The following TTC21B variants were observed in gnomAD, a reference collection of about 807,000 sequenced individuals.
The protein encoded by TTC21B is tetratricopeptide repeat protein 21B.
TTC21B carries 127 observed loss-of-function variants against 175.1 expected under a neutral mutation model. The ratio of observed to expected loss-of-function variants is 0.73; its 90% CI spans 0.63 to 0.84. The LOEUF (loss-of-function observed/expected upper bound fraction) is 0.84, where lower values mean the gene tolerates loss of function less well. Among genes scored for constraint, TTC21B ranks in the 40% least tolerant of loss-of-function variants. The pLI, the probability that TTC21B is intolerant of heterozygous loss-of-function variation, is 0.00. For missense variants in TTC21B, 1,561 were observed against 1,558.3 expected, an observed-to-expected ratio of 1.00 and a Z score of -0.03; for synonymous variants, 524 against 524.5, an observed-to-expected ratio of 1.00 and a Z score of 0.01.
chr2:165,931,826 T>C lies in TTC21B; in HGVS notation c.826A>G (p.Thr276Ala), dbSNP rs7592429. 0.99 allele frequency: 1,599,742 copies of C among 1,613,484 alleles called. 793,953 individuals carry two copies. Among genetic ancestry groups the C allele is most frequent in the East Asian group, 1 (44,848 of 44,848 alleles). Residue 276 changes from threonine to alanine, a missense_variant, in exon 8 of 29, where the codon ACA (threonine) becomes GCA (alanine). Thr to Ala is a moderately conservative substitution (Grantham distance 58). Coordinates refer to ENST00000243344, the MANE Select transcript of TTC21B (RefSeq NM_024753.5). ...TTCTGTGGTTCCATGGCATCCAATGTATTTCCCAAGTTTTCCAGCTTGGTG... is the reference window on the plus strand; with the variant it reads ...TTCTGTGGTTCCATGGCATCCAATGCATTTCCCAAGTTTTCCAGCTTGGTG... ...ASTKLENLGNTLDAMEPQNAQ... is the reference protein window; with the variant it reads ...ASTKLENLGNALDAMEPQNAQ...
intron 18 of TTC21B, among the ~76,000 whole-genome samples, chr2:165,908,691 T>G (rs1392880635): frequency 2.0e-5 from 3 of 152,140 alleles, no homozygotes; most frequent in African/African-American, 7.2e-5. Context: ...ATGAAACGTA[T>G]ATGAAGGCAT....
Position 165,899,710 on chromosome 2 carries a change from T to C in TTC21B, c.2868+60A>G, listed in dbSNP as rs112316994. On this transcript the variant is annotated intron_variant, in intron 21 of 28. Transcript: ENST00000243344. Reference sequence around the variant, plus strand: ...ATCATCTAGTAGTAGTTCCATGGGGTAAAATTTAAAACTTATAAAACACAA... The same window carrying C: ...ATCATCTAGTAGTAGTTCCATGGGGCAAAATTTAAAACTTATAAAACACAA... 3,080 of 1,134,040 alleles carry C rather than the reference T, an allele frequency of 2.7e-3. 66 individuals are homozygous for C. In the African/African-American group the frequency reaches 0.041, roughly 15 times the overall value. The allele number at this position is 1,134,040 out of a possible 1,614,324, so 70.2% of individuals were successfully genotyped here. A position where few individuals can be genotyped will look rare whatever the true frequency, so the allele number is the denominator to read the frequency against.
intron 17 of TTC21B, 41 bp from the exon 18 acceptor site, chr2:165,911,506 G>A: frequency 1.9e-6 from 3 of 1,611,282 alleles, no homozygotes; most frequent in Non-Finnish European, 2.5e-6. Flanking sequence ...AAGGCAATGA[G>A]AATGGCATTC....
chr2:165,936,741 T>A (rs1189905463), intron 6 of TTC21B, among the ~76,000 whole-genome samples: 1 of 151,934 alleles, frequency 6.6e-6, no homozygotes, highest in Non-Finnish European at 1.5e-5. Flanking sequence ...AAAATAACAA[T>A]GAGATACCAC....
At chr2:165,894,906 T>A (rs1685313056) in intron 22 of TTC21B, among the ~76,000 whole-genome samples, 1 of 152,176 alleles carries the variant, frequency 6.6e-6, no homozygotes, top group African/African-American at 2.4e-5. Flanking sequence ...ATGGACAAAG[T>A]AACCGAGGAT....
rs759447998 is a variant in TTC21B, at chr2:165,941,082, T to C, written c.655A>G (p.Met219Val). 7 of 1,613,966 alleles carry C rather than the reference T, an allele frequency of 4.3e-6. No homozygotes were observed. The East Asian group carries it at 6.7e-5, about 15-fold the overall frequency. The change falls in exon 6 of 29, where the codon ATG (methionine) becomes GTG (valine). Residue 219 changes from methionine (M) to valine (V), a missense_variant. Physicochemically the swap from Met to Val is conservative, Grantham distance 21. Transcript: ENST00000243344. ...PSFLPAFVKK[M>V]KLQLALQDWD... The stretch of plus-strand genomic sequence containing the variant: ...TCCTGCAAGGCTAGTTGTAATTTCA[T>C]TTTCTTAACAAAAGCAGGAAGGAAG...
At chr2:165,919,789 A>G (rs1037542598) in intron 12 of TTC21B, among the ~76,000 whole-genome samples, 7 of 152,244 alleles carry the variant, frequency 4.6e-5, no homozygotes, top group African/African-American at 1.7e-4. Flanking sequence ...TATGTAGAAC[A>G]AAAACATTTG....
At chr2:165,930,096 T>C (rs1686830917) in intron 9 of TTC21B, 76 bp downstream of exon 9, 2 of 1,398,112 alleles carry the variant, frequency 1.4e-6, no homozygotes, top group Admixed American at 3.4e-5. Flanking sequence ...ATCCATGTGT[T>C]CTTCTCTAAT....
intron 22 of TTC21B, among the ~76,000 whole-genome samples, chr2:165,896,419 G>A (rs1685366798): frequency 1.3e-5 from 2 of 151,988 alleles, no homozygotes; most frequent in African/African-American, 4.8e-5. Flanking sequence ...AGCAGTGAAG[G>A]ACAACGTTTC....
At chr2:165,910,131 C>T (rs1479021529) in intron 18 of TTC21B, among the ~76,000 whole-genome samples, 1 of 152,048 alleles carries the variant, frequency 6.6e-6, no homozygotes, top group Admixed American at 6.6e-5. Context: ...AGGCCAGGCG[C>T]GGTGGCTCAC....
chr2:165,939,137 G>A (rs896134153), intron 6 of TTC21B, among the ~76,000 whole-genome samples: 1 of 152,004 alleles, frequency 6.6e-6, no homozygotes, highest in Non-Finnish European at 1.5e-5. Flanking sequence ...GGTAGCTAGG[G>A]GCAGGAAACA....
chr2:165,933,968 A>G (rs2105349849), intron 6 of TTC21B: 1 of 152,276 alleles, frequency 6.6e-6, no homozygotes, highest in South Asian at 2.1e-4. Context: ...AGGTGACAAG[A>G]GTCCAAACTG....
chr2:165,879,199 A>C (rs1684765287), intron 27 of TTC21B, among the ~76,000 whole-genome samples: 1 of 152,210 alleles, frequency 6.6e-6, no homozygotes, highest in African/African-American at 2.4e-5. Flanking sequence ...AGAACTAGTC[A>C]TTTGGAATCT....
intron 12 of TTC21B, among the ~76,000 whole-genome samples, chr2:165,919,990 T>A (rs1686327625): frequency 6.6e-6 from 1 of 152,174 alleles, no homozygotes; most frequent in African/African-American, 2.4e-5. Flanking sequence ...TAATGCCAGT[T>A]ATATATCTGG....
At chr2:165,940,825 G>A (rs1429886136) in intron 6 of TTC21B, among the ~76,000 whole-genome samples, 1 of 152,042 alleles carries the variant, frequency 6.6e-6, no homozygotes, top group Non-Finnish European at 1.5e-5. Flanking sequence ...AAGAGTGTCT[G>A]TCTTAAACCA....
Position 165,939,251 on chromosome 2 carries a change from C to T in TTC21B, c.710+1776G>A, listed in dbSNP as rs544451530. On this transcript the variant is annotated intron_variant, in intron 6 of 28. Transcript: ENST00000243344. ...TTAGCAAAGATGTTACCAAGATGTT[C>T]GGCCCTGAGATAGCCATTAATATTT... Among the ~76,000 whole-genome samples the T allele has an allele frequency of 8.8e-4, 134 of 152,206 alleles. 1 individual carries two copies. Among genetic ancestry groups the T allele is most frequent in the South Asian group, 7.5e-3 (36 of 4,822 alleles).
At chr2:165,879,213 T>C (rs1332193794) in intron 27 of TTC21B, among the ~76,000 whole-genome samples, 1 of 152,212 alleles carries the variant, frequency 6.6e-6, no homozygotes, top group African/African-American at 2.4e-5. Flanking sequence ...GGAATCTCTT[T>C]ATTTGCTGAG....
chr2:165,913,621 G>A lies in TTC21B; in HGVS notation c.2164C>T (p.Pro722Ser). The A allele has an allele frequency of 6.2e-7, 1 of 1,612,786 alleles. No homozygotes were observed. Among genetic ancestry groups the A allele is most frequent in the Non-Finnish European group, 8.5e-7 (1 of 1,179,152 alleles). Residue 722 changes from proline to serine, a missense_variant, in exon 16 of 29, where the codon CCT (proline) becomes TCT (serine). Coordinates refer to ENST00000243344, the MANE Select transcript of TTC21B (RefSeq NM_024753.5). ...TCACCAAGGAGAAGAAAAGACCGAG[G>A]GTTAGCCATTCTTTCAGCAATTTCT... ...FREIAERMANPRSFLLLGDAY... is the reference protein window; with the variant it reads ...FREIAERMANSRSFLLLGDAY...
intron 24 of TTC21B, 97 bp from the exon 25 acceptor site, chr2:165,888,571 CT>C: frequency 1.2e-6 from 1 of 846,594 alleles, no homozygotes; most frequent in Non-Finnish European, 1.9e-6. Flanking sequence ...TCTGGGCACT[CT>C]TTTATACTCT....
Sources: allele counts gnomAD v4.1 joint callset (sites outside exome capture counted in the v4.1 genomes callset), GRCh38; gene constraint gnomAD v4.1.1; transcripts MANE v1.5; gene names NCBI Gene and HGNC (gene_info 2026-07-23, HGNC 2026-07-21).